The following HNF4A variants were observed in gnomAD, a reference collection of about 807,000 sequenced individuals.
HNF4A encodes hepatocyte nuclear factor 4-alpha.
Under a neutral mutation model 52.4 loss-of-function variants are expected in HNF4A, and 15 were observed. That is an observed-to-expected ratio of 0.29 (90% confidence interval 0.19 to 0.44). HNF4A has a LOEUF of 0.44. Among genes scored for constraint, HNF4A ranks in the 20% least tolerant of loss-of-function variants. The pLI is 1.00. For synonymous variants in HNF4A, 280 were observed against 264.4 expected (o/e 1.06, Z -0.57); for missense variants, 479 against 647.2 (o/e 0.74, Z 2.82).
At chr20:44,392,267 G>A (rs1284561209) in intron 1 of HNF4A, among the ~76,000 whole-genome samples, 4 of 152,152 alleles carry the variant, frequency 2.6e-5, no homozygotes, top group Non-Finnish European at 4.4e-5. Flanking sequence ...GTGAGGAAAC[G>A]ATCATCATTC....
At chr20:44,380,605 T>C (rs889406710) in intron 1 of HNF4A, among the ~76,000 whole-genome samples, 4 of 152,206 alleles carry the variant, frequency 2.6e-5, no homozygotes, top group African/African-American at 9.6e-5. Flanking sequence ...CTTTGTCCAT[T>C]TTTAAAGTTT....
intron 1 of HNF4A, among the ~76,000 whole-genome samples, chr20:44,375,595 C>T (rs972312090): frequency 6.6e-6 from 1 of 151,682 alleles, no homozygotes; most frequent in Non-Finnish European, 1.5e-5. Context: ...CAAAGTCATA[C>T]AGTAAGTTAG....
intron 7 of HNF4A, among the ~76,000 whole-genome samples, chr20:44,421,805 A>T (rs1228624592): frequency 1.4e-5 from 2 of 146,994 alleles, no homozygotes; most frequent in South Asian, 2.1e-4. Flanking sequence ...ATATATATAT[A>T]ATATATAGTG....
chr20:44,417,040 CT>C (rs988189006), intron 5 of HNF4A, among the ~76,000 whole-genome samples: 51 of 152,170 alleles, frequency 3.4e-4, no homozygotes, highest in African/African-American at 1.1e-3. Flanking sequence ...GATTAGAGAC[CT>C]TGTCTCTCGT....
intron 3 of HNF4A, among the ~76,000 whole-genome samples, chr20:44,407,726 T>A (rs967865280): frequency 6.6e-6 from 1 of 151,852 alleles, no homozygotes. Flanking sequence ...CACCCCTGCC[T>A]GCCTGTCTGC....
At chr20:44,374,916 A>T (rs138082783) in intron 1 of HNF4A, among the ~76,000 whole-genome samples, 7 of 152,350 alleles carry the variant, frequency 4.6e-5, no homozygotes, top group Admixed American at 1.3e-4. Context: ...AAATCTCCAA[A>T]TAGCTTTCCA....
At position 44,424,117 on chromosome 20, in the gene HNF4A, G is replaced by A. The variant is rs369429452; in HGVS notation, c.992G>A (p.Arg331His). The change falls in exon 8 of 10, where the codon CGT (arginine) becomes CAT (histidine). Residue 331 changes from arginine to histidine, a missense_variant. Arg to His is a conservative substitution (Grantham distance 29). Coordinates refer to ENST00000316099, the MANE Select transcript of HNF4A (RefSeq NM_000457.6). ...ATCAACGACCGCCAGTATGACTCGC[G>A]TGGCCGCTTTGGAGAGCTGCTGCTG... 13 of 1,613,400 alleles carry A rather than the reference G, an allele frequency of 8.1e-6. No homozygotes were observed. Among genetic ancestry groups the A allele is most frequent in the South Asian group, 3.3e-5 (3 of 91,050 alleles).
rs568533151 is a variant in HNF4A at position 44,382,450 on chromosome 20, C to T, written c.50-23608C>T. ...GATGGAGTTTCACCATGTTGGCCAA[C>T]ATGATCTCGATCTCTTGACCTCGTG... On this transcript the variant is annotated intron_variant, in intron 1 of 9. Coordinates refer to the HNF4A transcript ENST00000316673. 2.3e-3 allele frequency among the ~76,000 whole-genome samples: 348 copies of T among 152,164 alleles called. 3 individuals are homozygous for T. The highest frequency in any genetic ancestry group is 7.9e-3 in the African/African-American group (329 of 41,528).
chr20:44,355,959 G>A, intron 1 of HNF4A, 106 bp downstream of exon 1: 1 of 986,268 alleles, frequency 1.0e-6, no homozygotes, highest in Non-Finnish European at 1.5e-6. Flanking sequence ...GCTCCTCCTG[G>A]AGCTCCTCTG....
intron 1 of HNF4A, among the ~76,000 whole-genome samples, chr20:44,356,814 G>A (rs1340289348): frequency 1.3e-5 from 2 of 152,096 alleles, no homozygotes; most frequent in South Asian, 4.1e-4. Context: ...TAAAAGTTGG[G>A]TGCCTTTTAT....
In HNF4A at chr20:44,368,160, A is replaced by ATTTT. The variant is rs1181828023; in HGVS notation, c.49+12328_49+12331dup. Among the ~76,000 whole-genome samples the ATTTT allele has an allele frequency of 6.1e-4, 17 of 27,782 alleles. 3 individuals carry two copies. Among genetic ancestry groups the ATTTT allele is most frequent in the South Asian group, 4.8e-3 (3 of 622 alleles). The allele number at this position is 27,782 out of a possible 152,430, so 18.2% of individuals were successfully genotyped here. On this transcript the variant is annotated intron_variant, in intron 1 of 9. Coordinates refer to the HNF4A transcript ENST00000316673. ...TATATACATATATATATATATATAT[A>ATTTT]TTTTTTTTTTTTTTTTTTTTTTTTG...
chr20:44,385,057 A>ATTTTTTTTTTTTTTTTTTTT (rs1491454694), intron 1 of HNF4A, among the ~76,000 whole-genome samples: 9 of 29,936 alleles, frequency 3.0e-4, no homozygotes, highest in African/African-American at 1.3e-3. Flanking sequence ...GAACTCTGTG[A>ATTTTTTTTTTTTTTTTTTTT]TCTTTTTTTT....
chr20:44,405,286 T>TAAATTTTTA (rs2063485374), intron 1 of HNF4A, among the ~76,000 whole-genome samples: 1 of 152,200 alleles, frequency 6.6e-6, no homozygotes, highest in Non-Finnish European at 1.5e-5. Context: ...TTAAATTTTT[T>TAAATTTTTA]AAATTTTTTA....
chr20:44,387,660 G>A (rs1182890147), intron 1 of HNF4A, among the ~76,000 whole-genome samples: 8 of 96,424 alleles, frequency 8.3e-5, no homozygotes, highest in East Asian at 6.0e-4. Context: ...GCAGGCGGGG[G>A]GGGGGGGAGG....
rs1254412553 is a variant in HNF4A, at chr20:44,378,931, A to G, written c.49+23078A>G. Among the ~76,000 whole-genome samples, 11 of 151,180 alleles carry G rather than the reference A, an allele frequency of 7.3e-5. No individual in the cohort carries two copies. The South Asian group carries it at 1.1e-3, about 14-fold the overall frequency. On this transcript the variant is annotated intron_variant, in intron 1 of 9. Transcript: ENST00000316673. The stretch of plus-strand genomic sequence containing the variant: ...GAGACCCCGTCTCAAAAAAAAAAAA[A>G]AAAGAAAAGAAAAGAAAAGAAAATA...
chr20:44,423,344 CA>C (rs543690659), intron 7 of HNF4A, among the ~76,000 whole-genome samples: 49 of 152,138 alleles, frequency 3.2e-4, no homozygotes, highest in African/African-American at 1.1e-3. Flanking sequence ...ATAAAAATGG[CA>C]AATAAGACAT....
At chr20:44,374,265 G>A (rs2063062613) in intron 1 of HNF4A, among the ~76,000 whole-genome samples, 1 of 152,126 alleles carries the variant, frequency 6.6e-6, no homozygotes, top group East Asian at 1.9e-4. Flanking sequence ...ATTCACTTAG[G>A]ATGAGGTCCT....
chr20:44,418,063 T>G (rs2146436037), intron 5 of HNF4A, among the ~76,000 whole-genome samples: 1 of 152,102 alleles, frequency 6.6e-6, no homozygotes, highest in South Asian at 2.1e-4. Flanking sequence ...GACCCACAGT[T>G]TTGGAACTTT....
intron 1 of HNF4A, among the ~76,000 whole-genome samples, chr20:44,384,870 G>A (rs2063200054): frequency 6.6e-6 from 1 of 152,016 alleles, no homozygotes; most frequent in East Asian, 1.9e-4. Flanking sequence ...GATCATGATG[G>A]CCCATCCCAC....
Sources: allele counts gnomAD v4.1 joint callset (sites outside exome capture counted in the v4.1 genomes callset), GRCh38; gene constraint gnomAD v4.1.1; transcripts MANE v1.5; gene names NCBI Gene and HGNC (gene_info 2026-07-23, HGNC 2026-07-21).